Variants in TRAPPC12 observed in about 807,000 individuals in gnomAD.
The protein encoded by TRAPPC12 is trafficking protein particle complex subunit 12.
TRAPPC12 carries 61 observed loss-of-function variants against 69.2 expected under a neutral mutation model. The observed-to-expected ratio is 0.88, with a 90% CI of 0.72 to 1.09. The LOEUF (loss-of-function observed/expected upper bound fraction) is 1.09, where lower values mean the gene tolerates loss of function less well. Among genes scored for constraint, TRAPPC12 ranks in the 50% least tolerant of loss-of-function variants. The pLI is 0.00. For missense variants in TRAPPC12, 1,101 were observed against 1,016.4 expected (o/e 1.08, Z -1.13); for synonymous variants, 469 against 438.9 (o/e 1.07, Z -0.86).
rs534176664 is a variant in TRAPPC12 at position 3,391,640 on chromosome 2, C to A, written c.1047+2970C>A. Among the ~76,000 whole-genome samples, 3 of 152,324 alleles carry A rather than the reference C, an allele frequency of 2.0e-5. No individual in the cohort carries two copies. The South Asian group carries it at 6.2e-4, about 32-fold the overall frequency. On this transcript the variant is annotated intron_variant, in intron 2 of 11. Transcript: ENST00000324266. ...TCTCTACCCTCTTAGGCAGAATATA[C>A]TGAGCATAATTTAACCTTTGCAGGA...
rs965387790 is a variant in TRAPPC12, at chr2:3,388,315, C to G, written c.692C>G (p.Ala231Gly). The G allele has an allele frequency of 6.2e-7, 1 of 1,604,846 alleles. No individual in the cohort carries two copies. The highest frequency in any genetic ancestry group is 8.5e-7 in the Non-Finnish European group (1 of 1,176,070). ...TTCTTCGACTCCTTTACTACCTCCG[C>G]CTTCATTTCCGTCAGCAATCCCGGC... ...SDFFDSFTTS[A>G]FISVSNPGAG... is the part of the protein sequence containing the mutation. The change falls in exon 2 of 12, where the codon GCC becomes GGC. Residue 231 changes from alanine to glycine, a missense_variant. Coordinates refer to ENST00000324266, the MANE Select transcript of TRAPPC12 (RefSeq NM_016030.6).
At chr2:3,397,201 T>C (rs374073656) in intron 2 of TRAPPC12, among the ~76,000 whole-genome samples, 18 of 152,372 alleles carry the variant, frequency 1.2e-4, no homozygotes, top group African/African-American at 3.8e-4. Context: ...CCCTTTATTC[T>C]GACAAGCAAG....
At chr2:3,447,329 C>T (rs760650067) in intron 6 of TRAPPC12, among the ~76,000 whole-genome samples, 75 of 152,278 alleles carry the variant, frequency 4.9e-4, no homozygotes, top group Non-Finnish European at 7.8e-4. Context: ...AACTCCTGAC[C>T]TCAAATGATC....
intron 3 of TRAPPC12, chr2:3,421,635 T>C: frequency 1.4e-6 from 1 of 702,880 alleles, no homozygotes; most frequent in Non-Finnish European, 2.7e-6. Flanking sequence ...GTAATGTTTT[T>C]ATGATTTGAT....
intron 2 of TRAPPC12, among the ~76,000 whole-genome samples, chr2:3,401,472 T>TGGTAGTA (rs1280272882): frequency 2.0e-5 from 3 of 152,246 alleles, no homozygotes; most frequent in Non-Finnish European, 2.9e-5. Context: ...ACTACAAGCC[T>TGGTAGTA]GGTAGTAGGC....
At chr2:3,383,083 T>C (rs1242134305) in intron 1 of TRAPPC12, among the ~76,000 whole-genome samples, 1 of 152,226 alleles carries the variant, frequency 6.6e-6, no homozygotes, top group East Asian at 1.9e-4. Flanking sequence ...TCAACATGGA[T>C]GTTCAAAGGT....
chr2:3,412,431 G>A (rs1271699433), intron 3 of TRAPPC12, among the ~76,000 whole-genome samples: 1 of 152,124 alleles, frequency 6.6e-6, no homozygotes, highest in African/African-American at 2.4e-5. Flanking sequence ...GTGTGGTGGT[G>A]GGCGCCTGTA....
chr2:3,457,328 C>G (rs940551319), intron 6 of TRAPPC12: 77 of 462,616 alleles, frequency 1.7e-4, no homozygotes, highest in Non-Finnish European at 2.7e-4. Context: ...GAAAAATGAT[C>G]TGTTGGGTCC....
intron 3 of TRAPPC12, among the ~76,000 whole-genome samples, chr2:3,420,284 A>C (rs2103051044): frequency 6.6e-6 from 1 of 152,286 alleles, no homozygotes; most frequent in Non-Finnish European, 1.5e-5. Flanking sequence ...TCACACGGCT[A>C]CTCAGGCGTA....
At chr2:3,450,976 C>T (rs1466334120) in intron 6 of TRAPPC12, among the ~76,000 whole-genome samples, 1 of 152,178 alleles carries the variant, frequency 6.6e-6, no homozygotes, top group Non-Finnish European at 1.5e-5. Context: ...GTCAGTGACC[C>T]AGCCAGAAAA....
At chr2:3,475,635 T>C (rs1332789248) in intron 9 of TRAPPC12, among the ~76,000 whole-genome samples, 1 of 152,186 alleles carries the variant, frequency 6.6e-6, no homozygotes, top group East Asian at 1.9e-4. Context: ...AAGATTTCTC[T>C]GTTATCTTCC....
intron 6 of TRAPPC12, among the ~76,000 whole-genome samples, chr2:3,450,744 C>T (rs1664809553): frequency 6.6e-6 from 1 of 152,136 alleles, no homozygotes. Flanking sequence ...CAGAGCTGCT[C>T]CAAGCTTTAG....
intron 3 of TRAPPC12, 59 bp from the exon 4 acceptor site, chr2:3,421,822 C>A: frequency 1.3e-6 from 2 of 1,499,908 alleles, no homozygotes; most frequent in South Asian, 2.3e-5. Context: ...GCGTTTGGGT[C>A]ATGGATTCCA....
In TRAPPC12 at chr2:3,414,813, C is replaced by T. The variant is rs114315420; in HGVS notation, c.1165-7068C>T. Among the ~76,000 whole-genome samples, 870 of 152,238 alleles carry T rather than the reference C, an allele frequency of 5.7e-3. 10 individuals are homozygous for T. Among genetic ancestry groups the T allele is most frequent in the African/African-American group, 0.02 (835 of 41,540 alleles). On this transcript the variant is annotated intron_variant, in intron 3 of 11. Coordinates refer to ENST00000324266, the MANE Select transcript of TRAPPC12 (RefSeq NM_016030.6). This position sits in a 1 kb window ranked among gnomAD's most constrained non-coding sequence, Gnocchi z 4.9. Reference sequence around the variant, plus strand: ...TCGGTGTCTCCCACACTGGAGTGTCCGTATTTCATAAACACACGTATGTGT... The same window carrying T: ...TCGGTGTCTCCCACACTGGAGTGTCTGTATTTCATAAACACACGTATGTGT...
At chr2:3,457,735 T>C (rs1248270892) in intron 7 of TRAPPC12, 42 bp downstream of exon 7, 1 of 1,604,152 alleles carries the variant, frequency 6.2e-7, no homozygotes, top group Non-Finnish European at 8.5e-7. Flanking sequence ...TTCTCGGACA[T>C]CACTGACAGA....
intron 3 of TRAPPC12, among the ~76,000 whole-genome samples, chr2:3,413,391 G>A (rs1296487133): frequency 6.6e-6 from 1 of 152,168 alleles, no homozygotes; most frequent in African/African-American, 2.4e-5. Flanking sequence ...AGAGCTTTTA[G>A]ATAAAACATG....
chr2:3,457,194 C>T (rs190342359), intron 6 of TRAPPC12: 155 of 452,414 alleles, frequency 3.4e-4, no homozygotes, highest in African/African-American at 2.9e-3. Context: ...TGAATTAACA[C>T]AGAAACAGAA....
intron 2 of TRAPPC12, among the ~76,000 whole-genome samples, chr2:3,392,960 A>C (rs143299953): frequency 8.7e-4 from 132 of 152,320 alleles, no homozygotes; most frequent in African/African-American, 3.1e-3. Context: ...AGGACAGAGA[A>C]AATTTGGTAT....
In TRAPPC12 at chr2:3,424,628, A is replaced by T. The variant is rs1200023697; in HGVS notation, c.1382A>T (p.Tyr461Phe). 6.2e-7 allele frequency: 1 copy of T among 1,613,936 alleles called. No homozygotes were observed. Among genetic ancestry groups the T allele is most frequent in the Non-Finnish European group, 8.5e-7 (1 of 1,179,964 alleles). Reference sequence around the variant, plus strand: ...AATCTTGATCAGCCAGATCTTTATTACGAGTACTACCCGCACGTGTACCCT... The same window carrying T: ...AATCTTGATCAGCCAGATCTTTATTTCGAGTACTACCCGCACGTGTACCCT... The part of the protein sequence containing the change: ...FGNLDQPDLY[Y>F]EYYPHVYPGR... Residue 461 changes from tyrosine (Y) to phenylalanine (F), a missense_variant, in exon 5 of 12, where the codon TAC becomes TTC. Transcript: ENST00000324266.
Sources: allele counts gnomAD v4.1 joint callset (sites outside exome capture counted in the v4.1 genomes callset), GRCh38; gene constraint gnomAD v4.1.1; non-coding constraint Gnocchi (gnomAD v3.1); transcripts MANE v1.5; gene names NCBI Gene and HGNC (gene_info 2026-07-23, HGNC 2026-07-21).